The following NHERF2 variants were observed in gnomAD, a reference collection of about 807,000 sequenced individuals.
The protein encoded by NHERF2 is Na(+)/H(+) exchange regulatory cofactor NHE-RF2.
the NHERF2 span, chr16:2,033,118 T>G: frequency 1.4e-6 from 2 of 1,392,092 alleles, no homozygotes; most frequent in Non-Finnish European, 9.3e-7. Flanking sequence ...CTTCCTTCCT[T>G]TCTTGGGACG....
the NHERF2 span, among the ~76,000 whole-genome samples, chr16:2,030,131 G>A: frequency 6.6e-6 from 1 of 152,246 alleles, no homozygotes; most frequent in Non-Finnish European, 1.5e-5. Context: ...AGGTCTGCGT[G>A]TGCGCAGCTC....
chr16:2,038,402 C>CG, the NHERF2 span: 6 of 295,502 alleles, frequency 2.0e-5, no homozygotes, highest in East Asian at 2.4e-4. Context: ...TACCAGAGAC[C>CG]CCCCCCCTTC....
At chr16:2,036,994 C>G in the NHERF2 span, 1 of 1,550,572 alleles carries the variant, frequency 6.4e-7, no homozygotes, top group South Asian at 1.2e-5. Flanking sequence ...ACCAGCCCTG[C>G]CCAGGTAAGA....
chr16:2,037,961 C>G, the NHERF2 span: 1 of 1,613,556 alleles, frequency 6.2e-7, no homozygotes, highest in Admixed American at 1.7e-5. Flanking sequence ...GAACAGGAAG[C>G]GTGAAATCTT....
the NHERF2 span, chr16:2,036,900 C>T: frequency 3.1e-6 from 5 of 1,598,924 alleles, no homozygotes; most frequent in Non-Finnish European, 4.3e-6. Flanking sequence ...CGGCCCAGGG[C>T]ACAGGGTGGG....
the NHERF2 span, chr16:2,036,939 C>T: frequency 3.2e-6 from 5 of 1,567,140 alleles, no homozygotes; most frequent in African/African-American, 4.1e-5. Context: ...CAGCCACTGA[C>T]ACGCTGTCCC....
chr16:2,030,268 G>GTA, the NHERF2 span, among the ~76,000 whole-genome samples: 1 of 152,178 alleles, frequency 6.6e-6, no homozygotes, highest in Non-Finnish European at 1.5e-5. Context: ...AAGCCTAGGA[G>GTA]GCCACTCTGC....
chr16:2,028,621 T>G, the NHERF2 span, among the ~76,000 whole-genome samples: 3 of 152,124 alleles, frequency 2.0e-5, no homozygotes. Context: ...GGGTTCCTCT[T>G]GTCTCACTCT....
At chr16:2,033,294 A>T in the NHERF2 span, 1 of 1,532,170 alleles carries the variant, frequency 6.5e-7, no homozygotes. Flanking sequence ...TGGGTCGGCC[A>T]GAGAGTTCAG....
the NHERF2 span, among the ~76,000 whole-genome samples, chr16:2,032,050 C>T: frequency 1.4e-5 from 2 of 146,678 alleles, no homozygotes; most frequent in East Asian, 2.0e-4. The surrounding 1 kb of genome is among the most constrained non-coding windows in gnomAD (Gnocchi z 4.0). Flanking sequence ...GACGGAGTTT[C>T]ACTCTGTCGC....
the NHERF2 span, chr16:2,036,462 G>C: frequency 6.2e-7 from 1 of 1,602,530 alleles, no homozygotes. Flanking sequence ...GGGCTCACCT[G>C]CCGCCCGCTC....
the NHERF2 span, chr16:2,037,894 G>C: frequency 6.2e-7 from 1 of 1,610,164 alleles, no homozygotes; most frequent in Admixed American, 1.7e-5. Context: ...CGGCGGCCGA[G>C]GCCAAGGAGA....
chr16:2,030,791 A>C, the NHERF2 span, among the ~76,000 whole-genome samples: 1 of 151,948 alleles, frequency 6.6e-6, no homozygotes, highest in Non-Finnish European at 1.5e-5. Context: ...AAATACAAAA[A>C]TCAGTTGGGC....
At chr16:2,038,436 G>A in the NHERF2 span, 2 of 298,978 alleles carry the variant, frequency 6.7e-6, no homozygotes, top group East Asian at 1.8e-4. Flanking sequence ...CCTCCCCCTT[G>A]GGACGCGCTC....
chr16:2,033,457 G>T, the NHERF2 span: 1 of 1,501,534 alleles, frequency 6.7e-7, no homozygotes. Context: ...GAGGAAGGGA[G>T]GGCTAGGAGG....
the NHERF2 span, chr16:2,038,734 C>T: frequency 2.2e-5 from 4 of 180,408 alleles, no homozygotes; most frequent in Non-Finnish European, 4.6e-5. Flanking sequence ...CTCCGAGGGG[C>T]CTGAGGATGG....
At chr16:2,035,305 G>A in the NHERF2 span, 17 of 716,518 alleles carry the variant, frequency 2.4e-5, no homozygotes, top group Non-Finnish European at 2.9e-5. Flanking sequence ...GAGCTTGAAG[G>A]TGGGTGGCTG....
the NHERF2 span, chr16:2,029,915 C>G: frequency 1.3e-6 from 1 of 749,494 alleles, no homozygotes; most frequent in Admixed American, 2.5e-5. Flanking sequence ...CCTTTTCTGC[C>G]CCAGGGACCA....
the NHERF2 span, chr16:2,036,458 A>ACCTG: frequency 6.2e-7 from 1 of 1,602,908 alleles, no homozygotes; most frequent in Non-Finnish European, 8.5e-7. Context: ...ACCCGGGCTC[A>ACCTG]CCTGCCGCCC....
Sources: gnomAD v4.1 joint callset for allele counts (sites outside exome capture counted in the v4.1 genomes callset) on GRCh38, gnomAD v4.1.1 for gene constraint, Gnocchi (gnomAD v3.1) non-coding constraint, MANE v1.5 for transcripts, NCBI Gene and HGNC (gene_info 2026-07-23, HGNC 2026-07-21) for gene names.